SLC12A2: variants seen among roughly 807,000 people sequenced by gnomAD.
SLC12A2 encodes Na-K-2Cl cotransporter 1.
In SLC12A2, 67 loss-of-function variants were observed where a neutral mutation model predicts 136.3. The ratio of observed to expected loss-of-function variants is 0.49; its 90% CI spans 0.40 to 0.60. SLC12A2 has a LOEUF of 0.60. Among genes scored for constraint, SLC12A2 ranks in the 20% least tolerant of loss-of-function variants. The probability of loss-of-function intolerance (pLI) is 0.00; values close to 1 mark genes in which losing one functional copy is unlikely to be tolerated. For synonymous variants in SLC12A2, 619 were observed against 562.9 expected (o/e 1.10, Z -1.41); for missense variants, 1,322 against 1,534.7 (o/e 0.86, Z 2.32).
chr5:128,126,966 A>ATAATTTTTT, intron 4 of SLC12A2, among the ~76,000 whole-genome samples: 6 of 21,160 alleles, frequency 2.8e-4, no homozygotes, highest in African/African-American at 1.2e-3. Flanking sequence ...ATATATATAT[A>ATAATTTTTT]TTTTTTTTTT....
At chr5:128,110,483 C>G (rs754813336) in intron 1 of SLC12A2, 142 of 1,407,168 alleles carry the variant, frequency 1.0e-4, no homozygotes, top group Non-Finnish European at 1.4e-4. Flanking sequence ...ATAGACGCTG[C>G]TTTCACCAAC....
intron 17 of SLC12A2, among the ~76,000 whole-genome samples, chr5:128,166,086 C>G (rs1262669499): frequency 1.3e-5 from 2 of 152,028 alleles, no homozygotes; most frequent in Non-Finnish European, 2.9e-5. Flanking sequence ...ACTTTGAAAA[C>G]AGATGTAAAC....
At chr5:128,169,103 T>A (rs926254386) in intron 18 of SLC12A2, 1 of 152,206 alleles carries the variant, frequency 6.6e-6, no homozygotes, top group African/African-American at 2.4e-5. Context: ...GCCTAACCTA[T>A]TTATCTTGTT....
intron 24 of SLC12A2, among the ~76,000 whole-genome samples, chr5:128,183,647 A>C (rs1440589678): frequency 1.3e-5 from 2 of 151,884 alleles, no homozygotes; most frequent in Non-Finnish European, 2.9e-5. Flanking sequence ...GTAGAAATTA[A>C]TTTTGCATTT....
Position 128,169,214 on chromosome 5 carries a change from CTCTTA to C in SLC12A2, c.2723+1349_2723+1353del, listed in dbSNP as rs1250950331. 7 of 145,500 alleles carry C rather than the reference CTCTTA, an allele frequency of 4.8e-5. 1 individual carries two copies. The South Asian group carries it at 1.3e-3, about 26-fold the overall frequency. 9.0% of individuals were successfully genotyped at this position (145,500 alleles called of 1,614,324 possible). A position where few individuals can be genotyped will look rare whatever the true frequency, so the allele number is the denominator to read the frequency against. On this transcript the variant is annotated intron_variant, in intron 18 of 26. Coordinates refer to ENST00000262461, the MANE Select transcript of SLC12A2 (RefSeq NM_001046.3). ...CTGATGAAATAGAACTGTCTGCTTCCTCTTATAATTGTCCTTTAAAAAAAACTTTT... is the reference window on the plus strand; with the variant it reads ...CTGATGAAATAGAACTGTCTGCTTCCTAATTGTCCTTTAAAAAAAACTTTT...
At chr5:128,140,746 A>G (rs982031777) in intron 9 of SLC12A2, among the ~76,000 whole-genome samples, 15 of 152,038 alleles carry the variant, frequency 9.9e-5, no homozygotes, top group African/African-American at 3.6e-4. Context: ...TACAAAGCAC[A>G]TGAAAGTATA....
At chr5:128,136,097 A>G (rs1391784595) in intron 7 of SLC12A2, among the ~76,000 whole-genome samples, 1 of 152,150 alleles carries the variant, frequency 6.6e-6, no homozygotes, top group Non-Finnish European at 1.5e-5. Flanking sequence ...GGGAATTTGT[A>G]ACTGAATTTC....
intron 5 of SLC12A2, among the ~76,000 whole-genome samples, chr5:128,131,963 C>T (rs539037123): frequency 6.6e-6 from 1 of 152,292 alleles, no homozygotes; most frequent in East Asian, 1.9e-4. Flanking sequence ...CGAGATCGCG[C>T]CTTTGCTCTC....
At position 128,174,546 on chromosome 5, in the gene SLC12A2, T is replaced by G. The variant is rs550587152; in HGVS notation, c.2809T>G (p.Leu937Val). 1.2e-6 allele frequency: 2 copies of G among 1,602,660 alleles called. No homozygotes were observed. Among genetic ancestry groups the G allele is most frequent in the South Asian group, 2.3e-5 (2 of 88,858 alleles). The change falls in exon 20 of 27, where the codon TTA becomes GTA. Residue 937 changes from leucine (L) to valine (V), a missense_variant. Leu to Val is a conservative substitution (Grantham distance 32). Transcript: ENST00000262461. Reference protein sequence around the residue: ...DISHLQGQEELLSSQEKSPGT... With the variant: ...DISHLQGQEEVLSSQEKSPGT... The stretch of plus-strand genomic sequence containing the variant: ...AAATAATTTTCTGTCTACAGAAGAA[T>G]TATTGTCATCACAAGAGAAATCTCC...
chr5:128,142,010 A>G (rs1561683608), intron 10 of SLC12A2, 29 bp downstream of exon 10: 1 of 1,588,696 alleles, frequency 6.3e-7, no homozygotes. Flanking sequence ...ATATACAGAC[A>G]TTCTGTATTT....
At chr5:128,154,463 A>G (rs1352507065) in intron 15 of SLC12A2, among the ~76,000 whole-genome samples, 2 of 152,170 alleles carry the variant, frequency 1.3e-5, no homozygotes, top group African/African-American at 2.4e-5. Flanking sequence ...TTTTATTAGA[A>G]TTATACGTGA....
chr5:128,145,506 T>C (rs945975378), intron 10 of SLC12A2, among the ~76,000 whole-genome samples: 1 of 152,066 alleles, frequency 6.6e-6, no homozygotes, highest in African/African-American at 2.4e-5. Flanking sequence ...CCATGAAAAA[T>C]AGTGATTATG....
At chr5:128,177,011 T>C (rs1195533869) in intron 20 of SLC12A2, 94 bp from the exon 21 acceptor site, 17 of 697,816 alleles carry the variant, frequency 2.4e-5, no homozygotes, top group Admixed American at 1.8e-4. Context: ...CTTCATATTA[T>C]ATTTTGTTTA....
chr5:128,130,169 T>G (rs568112152), intron 4 of SLC12A2, among the ~76,000 whole-genome samples: 30 of 152,170 alleles, frequency 2.0e-4, no homozygotes, highest in Non-Finnish European at 4.3e-4. Flanking sequence ...CCAGCACTTT[T>G]GGGAGGCTGA....
At chr5:128,116,878 T>G (rs1561666883) in intron 4 of SLC12A2, among the ~76,000 whole-genome samples, 1 of 152,100 alleles carries the variant, frequency 6.6e-6, no homozygotes, top group Non-Finnish European at 1.5e-5. Flanking sequence ...CTGACTCAGA[T>G]TTGGAAACCC....
intron 4 of SLC12A2, among the ~76,000 whole-genome samples, chr5:128,125,241 G>A (rs1017144019): frequency 1.3e-5 from 2 of 152,176 alleles, no homozygotes; most frequent in Non-Finnish European, 2.9e-5. Flanking sequence ...CAGCTTTACT[G>A]TTCACCTATG....
At chr5:128,143,399 TACTAGAAA>T (rs764882844) in intron 10 of SLC12A2, among the ~76,000 whole-genome samples, 13 of 152,170 alleles carry the variant, frequency 8.5e-5, no homozygotes, top group Non-Finnish European at 1.8e-4. Context: ...TCTGAATGGA[TACTAGAAA>T]GCTAGTGAAT....
chr5:128,184,737 C>A (rs1206171203), intron 25 of SLC12A2, 52 bp from the exon 26 acceptor site: 2 of 1,608,784 alleles, frequency 1.2e-6, no homozygotes, highest in South Asian at 1.1e-5. Context: ...ATGAACCATG[C>A]TAAATTCTTA....
chr5:128,142,358 C>T (rs933739236), intron 10 of SLC12A2, among the ~76,000 whole-genome samples: 2 of 152,166 alleles, frequency 1.3e-5, no homozygotes, highest in East Asian at 1.9e-4. Context: ...CTGCATGGGC[C>T]TCCCAAAGTG....
Sources: allele counts gnomAD v4.1 joint callset (sites outside exome capture counted in the v4.1 genomes callset), GRCh38; gene constraint gnomAD v4.1.1; transcripts MANE v1.5; gene names NCBI Gene and HGNC (gene_info 2026-07-23, HGNC 2026-07-21).